The following PIWIL2 variants were observed in gnomAD, a reference collection of about 807,000 sequenced individuals.
PIWIL2 encodes piwi like RNA-mediated gene silencing 2.
In PIWIL2, 81 loss-of-function variants were observed where a neutral mutation model predicts 116.5. The observed-to-expected ratio is 0.70, with a 90% CI of 0.58 to 0.84. The LOEUF (loss-of-function observed/expected upper bound fraction) is 0.84. Among genes scored for constraint, PIWIL2 ranks in the 40% least tolerant of loss-of-function variants. The pLI is 0.00. For synonymous variants in PIWIL2, 489 were observed against 429.5 expected, an observed-to-expected ratio of 1.14 and a Z score of -1.71; for missense variants, 1,272 against 1,212.3, an observed-to-expected ratio of 1.05 and a Z score of -0.73.
intron 20 of PIWIL2, among the ~76,000 whole-genome samples, chr8:22,340,549 A>G (rs934894527): frequency 2.0e-5 from 3 of 152,154 alleles, no homozygotes; most frequent in Non-Finnish European, 2.9e-5. Flanking sequence ...GAAGACAGGG[A>G]TAGGACACAG....
chr8:22,296,118 C>T (rs550000633), intron 10 of PIWIL2, among the ~76,000 whole-genome samples: 43 of 146,200 alleles, frequency 2.9e-4, no homozygotes, highest in African/African-American at 9.4e-4. Context: ...TGCAGTGGTG[C>T]GATCTCGGCT....
intron 20 of PIWIL2, among the ~76,000 whole-genome samples, chr8:22,333,540 A>G (rs145904866): frequency 0.011 from 1,651 of 152,140 alleles, 50 homozygotes; most frequent in African/African-American, 0.037. Flanking sequence ...TGAACCCGGG[A>G]GGCAGAGGTT....
intron 10 of PIWIL2, among the ~76,000 whole-genome samples, chr8:22,293,220 G>A (rs1830804537): frequency 6.6e-6 from 1 of 152,138 alleles, no homozygotes; most frequent in Non-Finnish European, 1.5e-5. Flanking sequence ...AAGGTGGGAG[G>A]ACTGCTTGAG....
chr8:22,318,065 A>T, intron 19 of PIWIL2, 105 bp from the exon 20 acceptor site: 5 of 640,138 alleles, frequency 7.8e-6, no homozygotes, highest in East Asian at 2.7e-5. Context: ...TTGTTTTTGG[A>T]TTGATTGGTA....
At chr8:22,355,067 C>CA (rs775081187) in intron 22 of PIWIL2, among the ~76,000 whole-genome samples, 2,096 of 100,902 alleles carry the variant, frequency 0.021, 43 homozygotes, top group African/African-American at 0.061. Flanking sequence ...AAGACTCTGT[C>CA]AAAAAAAAAA....
chr8:22,319,864 A>G (rs1157402396), intron 20 of PIWIL2, among the ~76,000 whole-genome samples: 1 of 152,170 alleles, frequency 6.6e-6, no homozygotes, highest in Non-Finnish European at 1.5e-5. Context: ...AGGAGTCACA[A>G]AGTCCCACCC....
At chr8:22,291,227 T>C (rs1376595290) in intron 10 of PIWIL2, among the ~76,000 whole-genome samples, 2 of 151,928 alleles carry the variant, frequency 1.3e-5, no homozygotes, top group African/African-American at 4.8e-5. Context: ...CTCAACTCAC[T>C]GCAACCTCTG....
At chr8:22,316,047 TC>T (rs1445523926) in intron 18 of PIWIL2, among the ~76,000 whole-genome samples, 197 bp from the exon 19 acceptor site, 2 of 152,216 alleles carry the variant, frequency 1.3e-5, no homozygotes. Flanking sequence ...CCTTTGCTGA[TC>T]CCTGATCTAG....
In PIWIL2 at chr8:22,325,611, G is replaced by A. The variant is rs540644643; in HGVS notation, c.2403+7336G>A. ...TGATTCTCCTGTCTCAGCCTGCCAA[G>A]TAGCTGGGATTACAAGCGTGCGCCA... is the stretch of plus-strand genomic sequence containing the variant. On this transcript the variant is annotated intron_variant, in intron 20 of 22. Transcript: ENST00000356766. Among the ~76,000 whole-genome samples, 17 of 148,258 alleles carry A rather than the reference G, an allele frequency of 1.1e-4. No individual in the cohort carries two copies. In the South Asian group the frequency reaches 1.3e-3, roughly 11 times the overall value.
At chr8:22,310,191 T>C in intron 15 of PIWIL2, 117 bp downstream of exon 15, 1 of 614,768 alleles carries the variant, frequency 1.6e-6, no homozygotes. Context: ...TGAATCCCCA[T>C]TCTGAATTAC....
chr8:22,313,772 C>T (rs989680312), intron 16 of PIWIL2, among the ~76,000 whole-genome samples: 2 of 152,204 alleles, frequency 1.3e-5, no homozygotes, highest in African/African-American at 4.8e-5. Flanking sequence ...ATAGATGATA[C>T]TGACATGCTG....
chr8:22,333,623 CA>C (rs934236870), intron 20 of PIWIL2, among the ~76,000 whole-genome samples: 1 of 151,414 alleles, frequency 6.6e-6, no homozygotes, highest in Admixed American at 6.6e-5. Context: ...AAAAAACAAA[CA>C]AAAAAAATGT....
intron 20 of PIWIL2, among the ~76,000 whole-genome samples, chr8:22,322,650 CTTGTCCTGTCCTTTT>C (rs1346457466): frequency 6.6e-6 from 1 of 151,662 alleles, no homozygotes; most frequent in Non-Finnish European, 1.5e-5. Context: ...TTGTCCTGTC[CTTGTCCTGTCCTTTT>C]TTGTCCTGTC....
chr8:22,284,730 T>C (rs539611426), intron 6 of PIWIL2, among the ~76,000 whole-genome samples: 83 of 146,086 alleles, frequency 5.7e-4, no homozygotes, highest in South Asian at 5.5e-3. Context: ...GACATCTCTC[T>C]AGTGACAGTC....
intron 22 of PIWIL2, 89 bp from the exon 23 acceptor site, chr8:22,355,260 G>A (rs1586606142): frequency 7.7e-7 from 1 of 1,306,060 alleles, no homozygotes; most frequent in East Asian, 2.3e-5. Context: ...TGTGCTCTGT[G>A]TCATATCCCC....
chr8:22,281,754 C>T (rs947833505), intron 4 of PIWIL2, among the ~76,000 whole-genome samples: 2 of 151,530 alleles, frequency 1.3e-5, no homozygotes, highest in African/African-American at 4.9e-5. Flanking sequence ...AAAAAATTAC[C>T]CTGATCATGG....
chr8:22,335,276 T>C (rs1831954294), intron 20 of PIWIL2, among the ~76,000 whole-genome samples: 1 of 152,004 alleles, frequency 6.6e-6, no homozygotes, highest in Non-Finnish European at 1.5e-5. Context: ...ATAATTACAT[T>C]AAGTGTAACT....
chr8:22,286,731 C>T (rs976566474), intron 6 of PIWIL2, among the ~76,000 whole-genome samples: 1 of 152,174 alleles, frequency 6.6e-6, no homozygotes, highest in Non-Finnish European at 1.5e-5. Flanking sequence ...AAATGATTCT[C>T]ATGCCTCAGC....
intron 20 of PIWIL2, among the ~76,000 whole-genome samples, chr8:22,342,565 C>A (rs553213447): frequency 3.9e-5 from 6 of 152,228 alleles, no homozygotes; most frequent in African/African-American, 1.4e-4. Context: ...AACAAGTGGC[C>A]ACCTGCATGC....
Sources: gnomAD v4.1 joint callset for allele counts (sites outside exome capture counted in the v4.1 genomes callset) on GRCh38, gnomAD v4.1.1 for gene constraint, MANE v1.5 for transcripts, NCBI Gene and HGNC (gene_info 2026-07-23, HGNC 2026-07-21) for gene names.